AGBL1: variants seen among roughly 807,000 people sequenced by gnomAD.
The protein encoded by AGBL1 is AGBL carboxypeptidase 1.
Under a neutral mutation model 118.9 loss-of-function variants are expected in AGBL1, and 130 were observed. The observed-to-expected ratio is 1.09, with a 90% confidence interval of 0.95 to 1.26. AGBL1 has a LOEUF of 1.26. Among genes scored for constraint, AGBL1 ranks in the 50% most tolerant of loss-of-function variants. The pLI, the probability that AGBL1 is intolerant of heterozygous loss-of-function variation, is 0.00. For missense variants in AGBL1, 1,584 were observed against 1,298.1 expected (o/e 1.22, Z -3.38); for synonymous variants, 555 against 478.9 (o/e 1.16, Z -2.08).
intron 24 of AGBL1, among the ~76,000 whole-genome samples, chr15:87,016,543 G>A (rs942632227): frequency 1.3e-5 from 2 of 152,212 alleles, no homozygotes; most frequent in Non-Finnish European, 2.9e-5. Flanking sequence ...GTCTAGGACT[G>A]GGCCAAGATG....
At chr15:86,428,172 T>A (rs1214974693) in intron 18 of AGBL1, among the ~76,000 whole-genome samples, 4 of 152,142 alleles carry the variant, frequency 2.6e-5, no homozygotes, top group Non-Finnish European at 4.4e-5. Flanking sequence ...CAAGCCAACA[T>A]GAAGGTGGAA....
chr15:86,836,654 G>T (rs543422604), intron 22 of AGBL1, among the ~76,000 whole-genome samples: 44 of 152,164 alleles, frequency 2.9e-4, no homozygotes, highest in African/African-American at 1.0e-3. Context: ...TGGTCCCAGT[G>T]ACCTAGCTCT....
chr15:87,001,741 C>A (rs1567280906), intron 24 of AGBL1, among the ~76,000 whole-genome samples: 1 of 152,072 alleles, frequency 6.6e-6, no homozygotes, highest in Non-Finnish European at 1.5e-5. Context: ...TGATGATAAG[C>A]ATTTTTTCAT....
At chr15:86,306,064 TG>T (rs1237831172) in intron 17 of AGBL1, among the ~76,000 whole-genome samples, 1 of 152,098 alleles carries the variant, frequency 6.6e-6, no homozygotes, top group African/African-American at 2.4e-5. Flanking sequence ...ATATTTACGG[TG>T]CACATGAAAT....
intron 18 of AGBL1, among the ~76,000 whole-genome samples, chr15:86,431,365 C>G (rs140628666): frequency 3.3e-5 from 5 of 152,300 alleles, no homozygotes; most frequent in Admixed American, 2.6e-4. Flanking sequence ...TAATCTTTAA[C>G]CTATACACGT....
At position 86,080,936 on chromosome 15, in the gene AGBL1, GGC is replaced by G. The variant is rs1555425982; in HGVS notation, c.51+915_51+916del. 1.2e-3 allele frequency among the ~76,000 whole-genome samples: 173 copies of G among 149,558 alleles called. 1 individual carries two copies. In the East Asian group the frequency reaches 0.021, roughly 18 times the overall value. On this transcript the variant is annotated intron_variant, in intron 1 of 22. Transcript: ENST00000614907. Reference sequence around the variant, plus strand: ...GGTCACAAGATGATGGGCTTGTGGGGGCGGGGGGGGGTCCATGACCCCATTCC... The same window carrying G: ...GGTCACAAGATGATGGGCTTGTGGGGGGGGGGGGGTCCATGACCCCATTCC...
intron 17 of AGBL1, among the ~76,000 whole-genome samples, chr15:86,396,185 G>A (rs951165300): frequency 1.4e-5 from 2 of 146,246 alleles, no homozygotes; most frequent in Non-Finnish European, 3.0e-5. Context: ...TCATATATAT[G>A]TGTATATATA....
At chr15:87,021,589 C>G (rs142084963) in intron 24 of AGBL1, among the ~76,000 whole-genome samples, 2 of 152,146 alleles carry the variant, frequency 1.3e-5, no homozygotes, top group Non-Finnish European at 2.9e-5. Context: ...TTTTTGCAAT[C>G]TATCCATGTG....
At chr15:86,879,584 A>G (rs1213126020) in intron 22 of AGBL1, among the ~76,000 whole-genome samples, 2 of 152,162 alleles carry the variant, frequency 1.3e-5, no homozygotes, top group Non-Finnish European at 2.9e-5. Context: ...ATCAATTACA[A>G]ATGTTACAGA....
At chr15:86,265,930 A>G (rs1226795809) in intron 11 of AGBL1, among the ~76,000 whole-genome samples, 2 of 152,186 alleles carry the variant, frequency 1.3e-5, no homozygotes, top group Non-Finnish European at 2.9e-5. Context: ...ACAGAGCCCA[A>G]GGAATATAAA....
chr15:86,208,586 G>C (rs1319637235), intron 5 of AGBL1, among the ~76,000 whole-genome samples: 1 of 152,152 alleles, frequency 6.6e-6, no homozygotes, highest in Non-Finnish European at 1.5e-5. Context: ...ATTTCTTCTA[G>C]ATTTTCTAGT....
chr15:86,669,441 A>G (rs1325185289), intron 21 of AGBL1, among the ~76,000 whole-genome samples: 4 of 152,290 alleles, frequency 2.6e-5, no homozygotes, highest in South Asian at 4.1e-4. Context: ...AAAATAGAAA[A>G]CATAACATAC....
intron 21 of AGBL1, among the ~76,000 whole-genome samples, chr15:86,574,570 A>AT (rs776642678): frequency 0.27 from 23,094 of 84,544 alleles, 2,709 homozygotes; most frequent in Non-Finnish European, 0.35. Context: ...AAAAGTTTTA[A>AT]TTTTTTTTTT....
intron 1 of AGBL1, among the ~76,000 whole-genome samples, chr15:86,128,322 G>A (rs993159218): frequency 2.0e-5 from 3 of 151,974 alleles, no homozygotes; most frequent in Non-Finnish European, 2.9e-5. Flanking sequence ...ACTACCACAA[G>A]AACAGTATGG....
At chr15:86,165,249 G>C (rs4887340) in intron 5 of AGBL1, among the ~76,000 whole-genome samples, 1 of 151,932 alleles carries the variant, frequency 6.6e-6, no homozygotes, top group African/African-American at 2.4e-5. Flanking sequence ...CAATCTTCTA[G>C]GGCCTCCCTG....
chr15:86,748,986 A>T (rs1246581120), intron 22 of AGBL1, among the ~76,000 whole-genome samples: 3 of 151,936 alleles, frequency 2.0e-5, no homozygotes, highest in Non-Finnish European at 4.4e-5. Context: ...TTGTCTTGGC[A>T]ATGTGGGCTC....
chr15:86,193,241 A>G (rs1250860826), intron 5 of AGBL1, among the ~76,000 whole-genome samples: 2 of 152,080 alleles, frequency 1.3e-5, no homozygotes, highest in African/African-American at 4.8e-5. Context: ...AGCTTCCCCA[A>G]AGCATTATTT....
At chr15:86,696,688 G>A (rs1162364634) in intron 22 of AGBL1, among the ~76,000 whole-genome samples, 2 of 151,478 alleles carry the variant, frequency 1.3e-5, no homozygotes, top group African/African-American at 2.4e-5. Context: ...TTGTTTTATA[G>A]GACCCATGAG....
At chr15:86,132,501 TG>T (rs1197281724) in intron 1 of AGBL1, among the ~76,000 whole-genome samples, 2 of 152,322 alleles carry the variant, frequency 1.3e-5, no homozygotes, top group East Asian at 3.9e-4. Context: ...AGCTGAAAAC[TG>T]TTTGCCACTT....
Sources: gnomAD v4.1 joint callset for allele counts (sites outside exome capture counted in the v4.1 genomes callset) on GRCh38, gnomAD v4.1.1 for gene constraint, MANE v1.5 for transcripts, NCBI Gene and HGNC (gene_info 2026-07-23, HGNC 2026-07-21) for gene names.